IMPG1: variants seen among roughly 807,000 people sequenced by gnomAD.
IMPG1 encodes the protein interphotoreceptor matrix proteoglycan of 150 kDa.
In IMPG1, 85 loss-of-function variants were observed where a neutral mutation model predicts 92.0. The ratio of observed to expected loss-of-function variants is 0.92; its 90% CI spans 0.78 to 1.11. IMPG1 has a LOEUF of 1.11. Among genes scored for constraint, IMPG1 ranks in the 50% least tolerant of loss-of-function variants. IMPG1 has a pLI of 0.00. For missense variants in IMPG1, 1,022 were observed against 956.0 expected, an observed-to-expected ratio of 1.07 and a Z score of -0.91; for synonymous variants, 367 against 334.1, an observed-to-expected ratio of 1.10 and a Z score of -1.08.
At chr6:75,960,767 A>G (rs926819392) in intron 12 of IMPG1, among the ~76,000 whole-genome samples, 1 of 152,230 alleles carries the variant, frequency 6.6e-6, no homozygotes, top group African/African-American at 2.4e-5. Flanking sequence ...TTTGCACTAC[A>G]ATAGGAAAGT....
chr6:76,064,733 C>T (rs891112647), intron 1 of IMPG1, among the ~76,000 whole-genome samples: 2 of 152,162 alleles, frequency 1.3e-5, no homozygotes, highest in Non-Finnish European at 2.9e-5. Context: ...CAATGGAGAA[C>T]CTCTCCTGGT....
At chr6:75,942,979 T>C (rs889410761) in intron 14 of IMPG1, among the ~76,000 whole-genome samples, 3 of 152,218 alleles carry the variant, frequency 2.0e-5, no homozygotes, top group African/African-American at 7.2e-5. Context: ...CACAAAGTTT[T>C]ATAAGATACG....
At chr6:76,022,029 G>A in intron 6 of IMPG1, 87 bp downstream of exon 6, 1 of 691,832 alleles carries the variant, frequency 1.4e-6, no homozygotes, top group South Asian at 1.4e-5. Context: ...ATTATTTAAA[G>A]GATGGTTTAT....
chr6:75,955,022 AG>A (rs2149459241), intron 12 of IMPG1, among the ~76,000 whole-genome samples: 1 of 152,220 alleles, frequency 6.6e-6, no homozygotes, highest in Non-Finnish European at 1.5e-5. Flanking sequence ...GTAGGCTTGT[AG>A]TATAGTTTGA....
In IMPG1 at chr6:75,945,426, C is replaced by A. The variant is rs577158952; in HGVS notation, c.2044+1888G>T. On this transcript the variant is annotated intron_variant, in intron 14 of 16. Transcript: ENST00000369950. ...GTGCAGTGGGGGCAATTTTATCTCACTGCAACCTCTGCCTTCCGGGTTCAA... is the reference window on the plus strand; with the variant it reads ...GTGCAGTGGGGGCAATTTTATCTCAATGCAACCTCTGCCTTCCGGGTTCAA... Among the ~76,000 whole-genome samples, 10 of 149,484 alleles carry A rather than the reference C, an allele frequency of 6.7e-5. No homozygotes were observed. In the South Asian group the frequency reaches 1.5e-3, roughly 22 times the overall value.
At chr6:75,998,350 C>T (rs897721031) in intron 12 of IMPG1, among the ~76,000 whole-genome samples, 8 of 152,176 alleles carry the variant, frequency 5.3e-5, no homozygotes, top group African/African-American at 1.9e-4. Context: ...AGACGGCTGT[C>T]CCTGACCACA....
chr6:75,974,482 C>CTT (rs1170592548), intron 12 of IMPG1, among the ~76,000 whole-genome samples: 2 of 104,410 alleles, frequency 1.9e-5, no homozygotes, highest in Non-Finnish European at 4.2e-5. Flanking sequence ...TTTTTCTTTT[C>CTT]TTTTTTTTTT....
intron 12 of IMPG1, among the ~76,000 whole-genome samples, chr6:75,960,829 A>G (rs573331507): frequency 1.3e-5 from 2 of 152,376 alleles, no homozygotes; most frequent in South Asian, 4.1e-4. Flanking sequence ...TGCAAAATGA[A>G]AAGATTTAAA....
chr6:75,965,601 T>C (rs1782293090), intron 12 of IMPG1, among the ~76,000 whole-genome samples: 1 of 112,380 alleles, frequency 8.9e-6, no homozygotes, highest in East Asian at 2.4e-4. Flanking sequence ...TTCTACATAC[T>C]TGTTCTTTTT....
intron 3 of IMPG1, 35 bp downstream of exon 3, chr6:76,034,583 TGCA>T: frequency 6.2e-7 from 1 of 1,606,426 alleles, no homozygotes; most frequent in Non-Finnish European, 8.5e-7. Flanking sequence ...GAACTGTTCG[TGCA>T]GTGTTCCAAA....
chr6:75,949,881 C>T (rs968752743), intron 13 of IMPG1, among the ~76,000 whole-genome samples: 1 of 152,108 alleles, frequency 6.6e-6, no homozygotes, highest in Admixed American at 6.5e-5. Context: ...AGACATTCTG[C>T]CATCTGTGTG....
intron 4 of IMPG1, among the ~76,000 whole-genome samples, chr6:76,029,966 AG>A (rs938107725): frequency 2.6e-5 from 4 of 151,996 alleles, no homozygotes; most frequent in Admixed American, 2.0e-4. Flanking sequence ...TCCAAGCTTT[AG>A]GTAAAAGCCC....
At chr6:75,999,680 G>A (rs1782954546) in intron 12 of IMPG1, among the ~76,000 whole-genome samples, 2 of 152,038 alleles carry the variant, frequency 1.3e-5, no homozygotes, top group Non-Finnish European at 2.9e-5. Flanking sequence ...ACTCCCATTT[G>A]GGCTGATTAT....
intron 1 of IMPG1, among the ~76,000 whole-genome samples, chr6:76,042,632 C>A (rs1783865862): frequency 6.6e-6 from 1 of 152,110 alleles, no homozygotes; most frequent in Non-Finnish European, 1.5e-5. Context: ...CAGAGCATGG[C>A]AATCTGGCTG....
At chr6:76,002,570 C>T (rs1783012763) in intron 12 of IMPG1, among the ~76,000 whole-genome samples, 1 of 152,182 alleles carries the variant, frequency 6.6e-6, no homozygotes, top group African/African-American at 2.4e-5. Context: ...TTAGGACCTA[C>T]CTTGTCCTCA....
intron 1 of IMPG1, among the ~76,000 whole-genome samples, chr6:76,059,734 T>G (rs1043117041): frequency 2.0e-5 from 3 of 152,216 alleles, no homozygotes; most frequent in African/African-American, 7.2e-5. Context: ...CTTGGCACTC[T>G]CTGCCTTAGG....
In IMPG1 at chr6:75,950,530, AG is replaced by A. The variant is rs749427610; in HGVS notation, c.1824+31del. 5 of 1,524,304 alleles carry A rather than the reference AG, an allele frequency of 3.3e-6. No individual in the cohort carries two copies. In the East Asian group the frequency reaches 1.1e-4, roughly 35 times the overall value. The allele number at this position is 1,524,304 out of a possible 1,614,324, so 94.4% of individuals were successfully genotyped here. On this transcript the variant is annotated intron_variant, in intron 13 of 16. Transcript: ENST00000369950. Reference sequence around the variant, plus strand: ...ATAACAACAAAGAAAGAAGAGACAAAGAATTGGGAATTGTGAGCAGTGCCCA... The same window carrying A: ...ATAACAACAAAGAAAGAAGAGACAAAAATTGGGAATTGTGAGCAGTGCCCA...
At chr6:76,068,323 A>C (rs949027734) in intron 1 of IMPG1, among the ~76,000 whole-genome samples, 2 of 152,156 alleles carry the variant, frequency 1.3e-5, no homozygotes, top group Non-Finnish European at 2.9e-5. Context: ...TAGATTTGAC[A>C]GATGAACTCA....
intron 12 of IMPG1, among the ~76,000 whole-genome samples, chr6:75,963,470 A>G (rs1782242863): frequency 1.3e-5 from 2 of 151,946 alleles, no homozygotes; most frequent in East Asian, 3.9e-4. Flanking sequence ...TTATTTTGAG[A>G]TAATTGTAGA....
Sources: gnomAD v4.1 joint callset for allele counts (sites outside exome capture counted in the v4.1 genomes callset) on GRCh38, gnomAD v4.1.1 for gene constraint, MANE v1.5 for transcripts, NCBI Gene and HGNC (gene_info 2026-07-23, HGNC 2026-07-21) for gene names.